TUBGCP2: variants seen among roughly 807,000 people sequenced by gnomAD.
TUBGCP2 encodes tubulin gamma complex component 2, also known as gamma-tubulin complex component 2.
Under a neutral mutation model 92.2 loss-of-function variants are expected in TUBGCP2, and 55 were observed. That is an observed-to-expected ratio of 0.60 (90% CI 0.48 to 0.75). TUBGCP2 has a LOEUF of 0.75. Ranked by LOEUF, TUBGCP2 falls within the 30% of genes least tolerant of loss-of-function variation. The pLI is 0.00. For synonymous variants in TUBGCP2, 533 were observed against 505.2 expected, an observed-to-expected ratio of 1.06 and a Z score of -0.74; for missense variants, 1,093 against 1,188.9, an observed-to-expected ratio of 0.92 and a Z score of 1.19.
rs375979438 is a variant in TUBGCP2, at chr10:133,288,673, CCACT to C, written c.1541+163_1541+166del. Among the ~76,000 whole-genome samples, 167 of 152,350 alleles carry C rather than the reference CCACT, an allele frequency of 1.1e-3. 1 individual carries two copies. Among genetic ancestry groups the C allele is most frequent in the African/African-American group, 3.9e-3 (162 of 41,576 alleles). ...CAAGGTGACCGGGGGCCTACACCAC[CCACT>C]GTGAGTGCCAGGTCCTTGAGCTAGA... On this transcript the variant is annotated intron_variant, in intron 10 of 17. Coordinates refer to ENST00000252936, the MANE Select transcript of TUBGCP2 (RefSeq NM_006659.4).
intron 11 of TUBGCP2, among the ~76,000 whole-genome samples, chr10:133,287,787 AAG>A (rs919426028): frequency 2.6e-5 from 4 of 152,158 alleles, no homozygotes; most frequent in African/African-American, 9.7e-5. Context: ...CAAAAACAAA[AAG>A]AATTAACACC....
intron 15 of TUBGCP2, 148 bp from the exon 16 acceptor site, chr10:133,282,490 G>A (rs569677011): frequency 1.7e-6 from 2 of 1,164,374 alleles, no homozygotes; most frequent in East Asian, 5.6e-5. Context: ...GGCTGCAGGG[G>A]AAATGACTTA....
chr10:133,298,788 C>A (rs147549510), intron 4 of TUBGCP2, among the ~76,000 whole-genome samples: 2 of 152,244 alleles, frequency 1.3e-5, no homozygotes, highest in Non-Finnish European at 2.9e-5. Context: ...GGCCTAGCAC[C>A]ATGTCCAGCA....
chr10:133,283,511 T>C (rs1231804799), intron 14 of TUBGCP2, among the ~76,000 whole-genome samples: 2 of 152,232 alleles, frequency 1.3e-5, no homozygotes, highest in Admixed American at 6.5e-5. Context: ...AGATGCGCAA[T>C]GTGGGAGAGA....
chr10:133,287,858 G>A (rs1033571004), intron 11 of TUBGCP2, among the ~76,000 whole-genome samples: 1 of 152,196 alleles, frequency 6.6e-6, no homozygotes, highest in Non-Finnish European at 1.5e-5. Context: ...GGAGGGACAC[G>A]TGAAAACAAT....
At chr10:133,292,975 A>G (rs78011093) in intron 7 of TUBGCP2, 64 bp downstream of exon 7, 15,744 of 1,563,314 alleles carry the variant, frequency 0.01, 100 homozygotes, top group Non-Finnish European at 0.013. Context: ...CTCTCCTCAC[A>G]CTGGGTGCCA....
At chr10:133,291,249 CCCATG>C (rs1847284020) in intron 8 of TUBGCP2, among the ~76,000 whole-genome samples, 1 of 67,924 alleles carries the variant, frequency 1.5e-5, no homozygotes, top group African/African-American at 2.2e-4. Context: ...CTCCGTGTCC[CCCATG>C]TCCCTCCGTG....
upstream of TUBGCP2, chr10:133,310,076 C>T: frequency 1.2e-6 from 2 of 1,609,842 alleles, no homozygotes; most frequent in Non-Finnish European, 1.7e-6. Flanking sequence ...GCCGGGGACA[C>T]CTTTCCGCCC....
At chr10:133,280,153 T>G (rs1168153051) in intron 17 of TUBGCP2, among the ~76,000 whole-genome samples, 4 of 152,086 alleles carry the variant, frequency 2.6e-5, no homozygotes, top group Non-Finnish European at 5.9e-5. Context: ...GGGGTGAGGG[T>G]GAGGCACGCT....
chr10:133,281,828 A>G (rs1846986163), intron 16 of TUBGCP2, among the ~76,000 whole-genome samples: 1 of 152,208 alleles, frequency 6.6e-6, no homozygotes, highest in South Asian at 2.1e-4. Flanking sequence ...CCACCCCACC[A>G]TGCCACCCCG....
At chr10:133,287,824 C>T (rs1469402420) in intron 11 of TUBGCP2, among the ~76,000 whole-genome samples, 1 of 152,148 alleles carries the variant, frequency 6.6e-6, no homozygotes, top group Non-Finnish European at 1.5e-5. Flanking sequence ...TTCAAAAGAC[C>T]TGAAACCCTT....
At position 133,302,388 on chromosome 10, in the gene TUBGCP2, C is replaced by T. The variant is rs919112239; in HGVS notation, c.150+404G>A. ...GCACAGCCCTGCACCAGAGGTGGCG[C>T]TCACCCTGCACCCTGCACCAGAGGT... On this transcript the variant is annotated intron_variant, in intron 2 of 17. Transcript: ENST00000252936. The T allele has an allele frequency of 5.1e-5, 13 of 254,334 alleles. 1 individual carries two copies. The highest frequency in any genetic ancestry group is 4.9e-4 in the South Asian group (11 of 22,668). The allele number at this position is 254,334 out of a possible 1,614,324, so 15.8% of individuals were successfully genotyped here.
intron 11 of TUBGCP2, among the ~76,000 whole-genome samples, chr10:133,287,351 G>A (rs962132860): frequency 6.6e-6 from 1 of 152,226 alleles, no homozygotes; most frequent in East Asian, 1.9e-4. Context: ...GGGAGGCGCA[G>A]GTGAAGGATC....
intron 1 of TUBGCP2, 47 bp downstream of exon 1, chr10:133,308,776 C>G: frequency 4.9e-6 from 2 of 406,862 alleles, no homozygotes; most frequent in Non-Finnish European, 8.0e-6. Context: ...CCTGGCAGTC[C>G]CCCAACCCCC....
In TUBGCP2 at chr10:133,289,820, G is replaced by GCGGACGCCAAGTCCCTGCCCGCTGCGCCC; in HGVS notation, c.1360+3_1360+4insGGGCGCAGCGGGCAGGGACTTGGCGTCCG. 6.8e-7 allele frequency: 1 copy of GCGGACGCCAAGTCCCTGCCCGCTGCGCCC among 1,469,860 alleles called. No individual in the cohort carries two copies. The highest frequency in any genetic ancestry group is 9.2e-7 in the Non-Finnish European group (1 of 1,091,392). The allele number at this position is 1,469,860 out of a possible 1,614,324, so 91.1% of individuals were successfully genotyped here. ...ACCCCAAGTCCCCGCCCGCTGCGCC[G>GCGGACGCCAAGTCCCTGCCCGCTGCGCCC]CACCTGTGCTGAGGATCTTGTCCGC... On this transcript the variant is annotated splice_donor_region_variant and intron_variant, in intron 9 of 17. Coordinates refer to ENST00000252936, the MANE Select transcript of TUBGCP2 (RefSeq NM_006659.4).
chr10:133,297,569 T>C (rs548299134), intron 5 of TUBGCP2, among the ~76,000 whole-genome samples: 3 of 152,350 alleles, frequency 2.0e-5, no homozygotes, highest in South Asian at 2.1e-4. Flanking sequence ...ACAGAATCTA[T>C]GGGAGTCATG....
chr10:133,283,774 C>T, intron 14 of TUBGCP2, 108 bp downstream of exon 14: 2 of 1,531,096 alleles, frequency 1.3e-6, no homozygotes, highest in Non-Finnish European at 1.8e-6. Context: ...TTCCCTGCCT[C>T]TCCTGCACTC....
At position 133,279,458 on chromosome 10, in the gene TUBGCP2, G is replaced by T; in HGVS notation, c.*308C>A. 2.8e-6 allele frequency: 1 copy of T among 352,968 alleles called. No individual in the cohort carries two copies. The allele number at this position is 352,968 out of a possible 1,614,324, so 21.9% of individuals were successfully genotyped here. A position where few individuals can be genotyped will look rare whatever the true frequency, so the allele number is the denominator to read the frequency against. On this transcript the variant is annotated 3_prime_UTR_variant, in exon 18 of 18. Transcript: ENST00000252936. The stretch of plus-strand genomic sequence containing the variant: ...ACCAGGCCTGGATCTTACCCCACAT[G>T]CATCTTTGCTTGCTCCTGGCTTAAA...
At position 133,285,962 on chromosome 10, in the gene TUBGCP2, C is replaced by T. The variant is rs892807411; in HGVS notation, c.1723-334G>A. Among the ~76,000 whole-genome samples the T allele has an allele frequency of 2.6e-5, 4 of 152,034 alleles. No homozygotes were observed. Among genetic ancestry groups the T allele is most frequent in the African/African-American group, 7.3e-5 (3 of 41,378 alleles). ...AAAACCTTTGTACCATGATAAGCAC[C>T]AGGCCCAGGTTGAAAAATGAAGCAT... is the stretch of plus-strand genomic sequence containing the variant. On this transcript the variant is annotated intron_variant, in intron 11 of 17. Coordinates refer to ENST00000252936, the MANE Select transcript of TUBGCP2 (RefSeq NM_006659.4). The surrounding 1 kb of genome is among the most constrained non-coding windows in gnomAD (Gnocchi z 6.8).
Sources: allele counts gnomAD v4.1 joint callset (sites outside exome capture counted in the v4.1 genomes callset), GRCh38; gene constraint gnomAD v4.1.1; non-coding constraint Gnocchi (gnomAD v3.1); transcripts MANE v1.5; gene names NCBI Gene and HGNC (gene_info 2026-07-23, HGNC 2026-07-21).